Variants in EXOSC3 observed in about 807,000 individuals in gnomAD.
The protein encoded by EXOSC3 is exosome component 3.
Under a neutral mutation model 25.1 loss-of-function variants are expected in EXOSC3, and 18 were observed. The ratio of observed to expected loss-of-function variants is 0.72; its 90% CI spans 0.50 to 1.06. The LOEUF (loss-of-function observed/expected upper bound fraction) is 1.06. Ranked by LOEUF, EXOSC3 falls within the 50% of genes least tolerant of loss-of-function variation. The pLI, the probability that EXOSC3 is intolerant of heterozygous loss-of-function variation, is 0.00. For synonymous variants in EXOSC3, 165 were observed against 132.2 expected, an observed-to-expected ratio of 1.25 and a Z score of -1.70; for missense variants, 382 against 350.9, an observed-to-expected ratio of 1.09 and a Z score of -0.71.
rs73649214 is a variant in EXOSC3, at chr9:37,784,226, A to T, written c.325-163T>A. Among the ~76,000 whole-genome samples, 216 of 152,310 alleles carry T rather than the reference A, an allele frequency of 1.4e-3. 2 individuals carry two copies. Among genetic ancestry groups the T allele is most frequent in the Non-Finnish European group, 2.3e-3 (154 of 68,028 alleles). On this transcript the variant is annotated intron_variant, in intron 1 of 3. Transcript: ENST00000327304. ...TCACTTCATAAAGTGCCGGGTGTGC[A>T]GCTTCTGGTAGTCTGTTAATTGAGT... is the stretch of plus-strand genomic sequence containing the variant.
intron 1 of EXOSC3, chr9:37,784,304 G>C: frequency 2.0e-6 from 1 of 505,092 alleles, no homozygotes; most frequent in Non-Finnish European, 3.5e-6. Context: ...TAGCTTTGTG[G>C]CATAAGTCCA....
In EXOSC3 at chr9:37,784,847, T is replaced by A. The variant is rs1288804499; in HGVS notation, c.198A>T (p.Val66=). The part of the protein sequence containing the change: ...NARACSRVRV[V]CGPGLRRCGD... The stretch of plus-strand genomic sequence containing the variant: ...CACAGCGCCGAAGGCCCGGACCGCA[T>A]ACAACGCGCACCCGCGAGCACGCTC... Residue 66 remains valine, a synonymous_variant, in exon 1 of 4, where the codon GTA becomes GTT. Transcript: ENST00000327304. 6.2e-7 allele frequency: 1 copy of A among 1,608,782 alleles called. No homozygotes were observed. The highest frequency in any genetic ancestry group is 1.7e-5 in the Admixed American group (1 of 59,296).
chr9:37,785,081 T>A (rs767393720), upstream of EXOSC3: 3 of 1,551,882 alleles, frequency 1.9e-6, no homozygotes, highest in South Asian at 3.5e-5. Context: ...GGTACCCGCC[T>A]TCCGCTTCCG....
chr9:37,782,657 A>G (rs1188112107), intron 2 of EXOSC3, among the ~76,000 whole-genome samples: 1 of 152,216 alleles, frequency 6.6e-6, no homozygotes, highest in African/African-American at 2.4e-5. Flanking sequence ...ATTCACTGAC[A>G]CTTCTCCCTG....
chr9:37,780,847 T>G lies in EXOSC3; in HGVS notation c.660A>C (p.Glu220Asp). 2 of 1,613,612 alleles carry G rather than the reference T, an allele frequency of 1.2e-6. No individual in the cohort carries two copies. Among genetic ancestry groups the G allele is most frequent in the Non-Finnish European group, 1.7e-6 (2 of 1,179,822 alleles). The change falls in exon 4 of 4, where the codon GAA becomes GAC. Residue 220 changes from glutamate to aspartate, a missense_variant. By Grantham distance (45) the Glu-to-Asp change is conservative. Transcript: ENST00000327304. Reference sequence around the variant, plus strand: ...TCTCCAGTGGATAGAGTTTTCCCACTTCCTGTATGATTTCACAATCTGGAG... The same window carrying G: ...TCTCCAGTGGATAGAGTTTTCCCACGTCCTGTATGATTTCACAATCTGGAG... ...LLAPDCEIIQ[E>D]VGKLYPLEIV...
At position 37,785,030 on chromosome 9, in the gene EXOSC3, C is replaced by T. The variant is rs774976928; in HGVS notation, c.15G>A (p.Ala5=). 1 of 1,598,924 alleles carries T rather than the reference C, an allele frequency of 6.3e-7. No homozygotes were observed. The highest frequency in any genetic ancestry group is 2.2e-5 in the East Asian group (1 of 44,456). Residue 5 remains alanine, a synonymous_variant, in exon 1 of 4, where the codon GCG becomes GCA. Transcript: ENST00000327304. ...CCGCGAGAGATTCAGCCGCGACAGA[C>T]GCAGGTTCGGCCATCGCGGGCTCCA... MAEP[A]SVAAESLAGS... is the part of the protein sequence containing the mutation.
intron 2 of EXOSC3, among the ~76,000 whole-genome samples, chr9:37,783,622 A>G (rs1828640270): frequency 6.6e-6 from 1 of 152,208 alleles, no homozygotes; most frequent in Admixed American, 6.5e-5. Context: ...GAGGATATGG[A>G]CATAACAAAT....
In EXOSC3 at chr9:37,780,448, CCTAATA is replaced by C. The variant is rs1338848234; in HGVS notation, c.*225_*230del. On this transcript the variant is annotated 3_prime_UTR_variant, in exon 4 of 4. Transcript: ENST00000327304. The stretch of plus-strand genomic sequence containing the variant: ...CTAAGGGAGTTAACTCCAAATAAAC[CCTAATA>C]CTGTTTTTTAGTAAACTTTATTGTA... 4.1e-6 allele frequency: 2 copies of C among 482,386 alleles called. No individual in the cohort carries two copies. Among genetic ancestry groups the C allele is most frequent in the African/African-American group, 3.9e-5 (2 of 50,954 alleles). The allele number at this position is 482,386 out of a possible 1,614,324, so 29.9% of individuals were successfully genotyped here.
chr9:37,785,034 G>A lies in EXOSC3; in HGVS notation c.11C>T (p.Pro4Leu), dbSNP rs372128042. The stretch of plus-strand genomic sequence containing the variant: ...GAGAGATTCAGCCGCGACAGACGCA[G>A]GTTCGGCCATCGCGGGCTCCACCAA... MAE[P>L]ASVAAESLAG... The change falls in exon 1 of 4, where the codon CCT (proline) becomes CTT (leucine). Residue 4 changes from proline (P) to leucine (L), a missense_variant. Physicochemically the swap from Pro to Leu is moderately conservative, Grantham distance 98 (BLOSUM62 -3). Coordinates refer to ENST00000327304, the MANE Select transcript of EXOSC3 (RefSeq NM_016042.4). 8.8e-6 allele frequency: 14 copies of A among 1,597,928 alleles called. 1 individual carries two copies. Among genetic ancestry groups the A allele is most frequent in the South Asian group, 3.3e-5 (3 of 90,554 alleles).
rs1468597546 is a variant in EXOSC3 at position 37,779,864 on chromosome 9, T to G, written c.*815A>C. The G allele has an allele frequency of 1.3e-5, 2 of 152,314 alleles. No individual in the cohort carries two copies. Among genetic ancestry groups the G allele is most frequent in the Middle Eastern group, 3.4e-3 (1 of 294 alleles). 9.4% of individuals were successfully genotyped at this position (152,314 alleles called of 1,614,324 possible). A position where few individuals can be genotyped will look rare whatever the true frequency, so the allele number is the denominator to read the frequency against. On this transcript the variant is annotated 3_prime_UTR_variant, in exon 4 of 4. Transcript: ENST00000327304. ...TGGATCACCTGGCAGTCTCTTTACC[T>G]CTAAAGGTTTTGGTTAATATACTAA...
In EXOSC3 at chr9:37,781,973, C is replaced by T. The variant is rs372417711; in HGVS notation, c.626+13G>A. ...TATAAAAAGCAGTCAAGCCAGCAGA[C>T]ATCAGGACTTACTTTCTAATTAAGC... On this transcript the variant is annotated intron_variant, in intron 3 of 3. Coordinates refer to ENST00000327304, the MANE Select transcript of EXOSC3 (RefSeq NM_016042.4). The T allele has an allele frequency of 1.9e-6, 3 of 1,610,992 alleles. No homozygotes were observed. Among genetic ancestry groups the T allele is most frequent in the South Asian group, 1.1e-5 (1 of 90,606 alleles).
chr9:37,784,648 T>G, intron 1 of EXOSC3, 73 bp downstream of exon 1: 1 of 1,455,862 alleles, frequency 6.9e-7, no homozygotes, highest in Non-Finnish European at 9.1e-7. Flanking sequence ...GTCCCTCTCT[T>G]CTTTTGGGAG....
rs950529927 is a variant in EXOSC3 at position 37,779,729 on chromosome 9, A to G, written c.*950T>C. 1 of 152,228 alleles carries G rather than the reference A, an allele frequency of 6.6e-6. No individual in the cohort carries two copies. The highest frequency in any genetic ancestry group is 2.4e-5 in the African/African-American group (1 of 41,458). The allele number at this position is 152,228 out of a possible 1,614,324, so 9.4% of individuals were successfully genotyped here. On this transcript the variant is annotated 3_prime_UTR_variant, in exon 4 of 4. Transcript: ENST00000327304. ...ACGAAGCTCCTTGGTCTTTATCAAC[A>G]AATAGAGTTCTATAATCTCTTTGAT...
Position 37,780,804 on chromosome 9 carries a change from C to T in EXOSC3, c.703G>A (p.Gly235Arg), listed in dbSNP as rs1258608435. Reference protein sequence around the residue: ...YPLEIVFGMNGRIWVKAKTIQ... With the variant: ...YPLEIVFGMNRRIWVKAKTIQ... ...GTTTTTGCCTTAACCCATATTCTTC[C>T]ATTCATTCCAAATACTATCTCCAGT... The change falls in exon 4 of 4, where the codon GGA (glycine) becomes AGA (arginine). Residue 235 changes from glycine (G) to arginine (R), a missense_variant. By Grantham distance (125) the Gly-to-Arg change is moderately radical. Coordinates refer to ENST00000327304, the MANE Select transcript of EXOSC3 (RefSeq NM_016042.4). The T allele has an allele frequency of 6.2e-7, 1 of 1,613,978 alleles. No individual in the cohort carries two copies. Among genetic ancestry groups the T allele is most frequent in the Non-Finnish European group, 8.5e-7 (1 of 1,179,924 alleles).
intron 1 of EXOSC3, 119 bp from the exon 2 acceptor site, chr9:37,784,182 C>T: frequency 9.1e-7 from 1 of 1,095,616 alleles, no homozygotes; most frequent in Non-Finnish European, 1.3e-6. Flanking sequence ...GATCAAATGC[C>T]ACTTTCGGTA....
intron 1 of EXOSC3, 146 bp from the exon 2 acceptor site, chr9:37,784,209 T>TA (rs1828655595): frequency 1.1e-6 from 1 of 886,466 alleles, no homozygotes. Context: ...AATCACTTCA[T>TA]AAAGTGCCGG....
At chr9:37,783,828 G>T in intron 2 of EXOSC3, 86 bp downstream of exon 2, 1 of 1,444,634 alleles carries the variant, frequency 6.9e-7, no homozygotes, top group Non-Finnish European at 9.3e-7. Context: ...TCATGCTTTG[G>T]AGACAATTCA....
At chr9:37,781,872 T>C in intron 3 of EXOSC3, 114 bp downstream of exon 3, 1 of 1,182,506 alleles carries the variant, frequency 8.5e-7, no homozygotes, top group East Asian at 2.4e-5. Context: ...TACTGATTTC[T>C]AACTCTGAGG....
At position 37,780,005 on chromosome 9, in the gene EXOSC3, C is replaced by CA. The variant is rs1248747378; in HGVS notation, c.*673dup. On this transcript the variant is annotated 3_prime_UTR_variant, in exon 4 of 4. Coordinates refer to ENST00000327304, the MANE Select transcript of EXOSC3 (RefSeq NM_016042.4). ...GTGTTATTTATATAATGATAAAACT[C>CA]AAAAATATCCTGTAACATGAAATAT... 2 of 152,068 alleles carry CA rather than the reference C, an allele frequency of 1.3e-5. No homozygotes were observed. Among genetic ancestry groups the CA allele is most frequent in the African/African-American group, 4.8e-5 (2 of 41,404 alleles). The allele number at this position is 152,068 out of a possible 1,614,324, so 9.4% of individuals were successfully genotyped here.
Sources: gnomAD v4.1 joint callset for allele counts (sites outside exome capture counted in the v4.1 genomes callset) on GRCh38, gnomAD v4.1.1 for gene constraint, MANE v1.5 for transcripts, NCBI Gene and HGNC (gene_info 2026-07-23, HGNC 2026-07-21) for gene names.